Variants in ERGIC3 observed in about 807,000 individuals in gnomAD.
The protein encoded by ERGIC3 is endoplasmic reticulum-Golgi intermediate compartment protein 3.
In ERGIC3, 33 loss-of-function variants were observed where a neutral mutation model predicts 54.7. The ratio of observed to expected loss-of-function variants is 0.60; its 90% confidence interval spans 0.46 to 0.81. ERGIC3 has a LOEUF of 0.81. Among genes scored for constraint, ERGIC3 ranks in the 30% least tolerant of loss-of-function variants. The pLI is 0.00. For synonymous variants in ERGIC3, 186 were observed against 189.8 expected (o/e 0.98, Z 0.16); for missense variants, 399 against 488.4 (o/e 0.82, Z 1.73).
In ERGIC3 at chr20:35,542,096, C is replaced by T. The variant is rs531735379; in HGVS notation, c.-2C>T. 1.9e-5 allele frequency: 29 copies of T among 1,542,404 alleles called. No individual in the cohort carries two copies. The East Asian group carries it at 4.6e-4, about 24-fold the overall frequency. ...CTGGCGTCCCCTTTCCGGCCGGTCC[C>T]CATGGAGGCGCTGGGGAAGCTGAAG... On this transcript the variant is annotated 5_prime_UTR_variant, in exon 1 of 13. Coordinates refer to ENST00000348547, the MANE Select transcript of ERGIC3 (RefSeq NM_015966.3).
chr20:35,546,143 T>C (rs1831941230), intron 4 of ERGIC3, among the ~76,000 whole-genome samples: 1 of 152,076 alleles, frequency 6.6e-6, no homozygotes, highest in South Asian at 2.1e-4. Flanking sequence ...GGAGTGAGAA[T>C]TGACCATTGA....
chr20:35,551,869 G>C (rs1350178848), intron 7 of ERGIC3, among the ~76,000 whole-genome samples: 1 of 152,162 alleles, frequency 6.6e-6, no homozygotes, highest in African/African-American at 2.4e-5. Context: ...GGAGGAGTTG[G>C]AGCCAGTATT....
intron 5 of ERGIC3, 68 bp from the exon 6 acceptor site, chr20:35,548,441 A>T: frequency 6.4e-7 from 1 of 1,556,576 alleles, no homozygotes; most frequent in Non-Finnish European, 8.7e-7. Flanking sequence ...CTCGGGCTCT[A>T]TTTCCCCAGA....
At position 35,548,954 on chromosome 20, in the gene ERGIC3, G is replaced by T. The variant is rs901832556; in HGVS notation, c.685+89G>T. 1.2e-4 allele frequency: 182 copies of T among 1,508,598 alleles called. 4 individuals are homozygous for T. In the South Asian group the frequency reaches 1.6e-3, roughly 13 times the overall value. The allele number at this position is 1,508,598 out of a possible 1,614,324, so 93.5% of individuals were successfully genotyped here. On this transcript the variant is annotated intron_variant, in intron 7 of 12. Transcript: ENST00000348547. ...GTCCTCTTCTGCCTGCTGCTCATTT[G>T]TCTTGGGCAACCATTTGGCCAGAGC...
At chr20:35,556,366 C>A in intron 10 of ERGIC3, 95 bp downstream of exon 10, 1 of 1,304,610 alleles carries the variant, frequency 7.7e-7, no homozygotes, top group Non-Finnish European at 1.1e-6. Flanking sequence ...TGAAAGCTGC[C>A]TCGTCCTCAC....
Position 35,556,233 on chromosome 20 carries a change from A to G in ERGIC3, c.841A>G (p.Lys281Glu). ...CTCCATGATGTTCCAGTACTTTGTG[A>G]AGGTGGTGCCCACTGTGTACATGAA... The part of the protein sequence containing the change: ...QASMMFQYFV[K>E]VVPTVYMKVD... The change falls in exon 10 of 13, where the codon AAG becomes GAG. Residue 281 changes from lysine (K) to glutamate (E), a missense_variant. By Grantham distance (56) the Lys-to-Glu change is moderately conservative. Coordinates refer to ENST00000348547, the MANE Select transcript of ERGIC3 (RefSeq NM_015966.3). 1 of 1,614,128 alleles carries G rather than the reference A, an allele frequency of 6.2e-7. No individual in the cohort carries two copies. Among genetic ancestry groups the G allele is most frequent in the Non-Finnish European group, 8.5e-7 (1 of 1,180,014 alleles).
chr20:35,553,057 A>T (rs1601366285), intron 7 of ERGIC3, among the ~76,000 whole-genome samples: 1 of 15,458 alleles, frequency 6.5e-5, no homozygotes. Context: ...TTGAGGCTGG[A>T]GTGCCATGGC....
chr20:35,555,496 A>G (rs531681819), intron 8 of ERGIC3, among the ~76,000 whole-genome samples: 1 of 152,200 alleles, frequency 6.6e-6, no homozygotes, highest in East Asian at 1.9e-4. Flanking sequence ...ACATAATCAG[A>G]TTTGCATTTT....
intron 4 of ERGIC3, chr20:35,544,584 C>T (rs748866429): frequency 1.2e-5 from 3 of 259,078 alleles, no homozygotes; most frequent in African/African-American, 4.6e-5. Flanking sequence ...CATGGCGTGC[C>T]GCTCATACGG....
chr20:35,555,999 G>A (rs370828052), intron 8 of ERGIC3, 34 bp from the exon 9 acceptor site: 1 of 1,604,532 alleles, frequency 6.2e-7, no homozygotes, highest in Non-Finnish European at 8.5e-7. Context: ...TGTCATCAGA[G>A]CTTTGGATGA....
intron 7 of ERGIC3, chr20:35,554,245 C>T (rs2064699041): frequency 1.6e-6 from 2 of 1,269,992 alleles, no homozygotes; most frequent in Non-Finnish European, 1.2e-6. Context: ...GGCTTGTTAG[C>T]TGGGGCCAGA....
chr20:35,553,428 G>T (rs2064693553), intron 7 of ERGIC3, among the ~76,000 whole-genome samples: 1 of 152,054 alleles, frequency 6.6e-6, no homozygotes, highest in African/African-American at 2.4e-5. Flanking sequence ...GTTAGTGCCT[G>T]AAAGGAAGAG....
chr20:35,546,461 G>A (rs56269271), intron 4 of ERGIC3, among the ~76,000 whole-genome samples: 1,912 of 152,232 alleles, frequency 0.013, 19 homozygotes, highest in Non-Finnish European at 0.02. Context: ...GAGAGGAGAA[G>A]GTCTAAGTCA....
chr20:35,549,037 C>A, intron 7 of ERGIC3, 172 bp downstream of exon 7: 1 of 737,458 alleles, frequency 1.4e-6, no homozygotes, highest in Non-Finnish European at 2.4e-6. Context: ...GGCCGAGGAG[C>A]CAGACTGCCT....
chr20:35,549,494 GTGAACAAT>G, intron 7 of ERGIC3: 1 of 286,702 alleles, frequency 3.5e-6, no homozygotes, highest in South Asian at 3.1e-5. Context: ...GGGTACAGTA[GTGAACAAT>G]CTGTGCCCTC....
intron 8 of ERGIC3, among the ~76,000 whole-genome samples, chr20:35,555,596 C>T (rs867928415): frequency 2.6e-5 from 4 of 152,060 alleles, no homozygotes; most frequent in African/African-American, 9.7e-5. Context: ...CCTAGGCCTC[C>T]AGGCAAAGCC....
chr20:35,542,354 A>G lies in ERGIC3; in HGVS notation c.120A>G (p.Leu40=). Reference sequence around the variant, plus strand: ...TTGTCAGTGGCCTTCTCATGCTGCTACTGTTCCTGTCCGAGCTGCAGTATT... The same window carrying G: ...TTGTCAGTGGCCTTCTCATGCTGCTGCTGTTCCTGTCCGAGCTGCAGTATT... ...VTIVSGLLML[L]LFLSELQYYL... The change falls in exon 2 of 13, where the codon CTA becomes CTG. Residue 40 remains leucine, a synonymous_variant. Coordinates refer to ENST00000348547, the MANE Select transcript of ERGIC3 (RefSeq NM_015966.3). 1 of 1,613,812 alleles carries G rather than the reference A, an allele frequency of 6.2e-7. No homozygotes were observed. The highest frequency in any genetic ancestry group is 8.5e-7 in the Non-Finnish European group (1 of 1,179,966).
At chr20:35,542,789 C>T (rs745536576) in intron 3 of ERGIC3, 33 bp from the exon 4 acceptor site, 1 of 1,613,996 alleles carries the variant, frequency 6.2e-7, no homozygotes, top group Non-Finnish European at 8.5e-7. Context: ...TCCCTAGGGT[C>T]CCAGTACCTT....
chr20:35,554,976 G>A, intron 7 of ERGIC3, 68 bp from the exon 8 acceptor site: 1 of 1,570,024 alleles, frequency 6.4e-7, no homozygotes, highest in Non-Finnish European at 8.8e-7. Flanking sequence ...TCCAGGGGGA[G>A]GAAGGAGGAG....
Sources: allele counts gnomAD v4.1 joint callset (sites outside exome capture counted in the v4.1 genomes callset), GRCh38; gene constraint gnomAD v4.1.1; transcripts MANE v1.5; gene names NCBI Gene and HGNC (gene_info 2026-07-23, HGNC 2026-07-21).